The following IL1RAPL1 variants were observed in gnomAD, a reference collection of about 807,000 sequenced individuals.
IL1RAPL1 encodes the protein interleukin 1 receptor accessory protein like 1, also known as interleukin-1 receptor accessory protein-like 1.
Under a neutral mutation model 48.4 loss-of-function variants are expected in IL1RAPL1, and 3 were observed. The observed-to-expected ratio is 0.06, with a 90% CI of 0.03 to 0.16. IL1RAPL1 has a LOEUF of 0.16. Ranked by LOEUF, IL1RAPL1 falls within the 10% of genes least tolerant of loss-of-function variation. The probability of loss-of-function intolerance (pLI) is 1.00; values close to 1 mark genes in which losing one functional copy is unlikely to be tolerated. For missense variants in IL1RAPL1, 349 were observed against 530.6 expected (o/e 0.66, Z 3.36); for synonymous variants, 185 against 187.7 (o/e 0.99, Z 0.12).
At chrX:28,958,492 A>G (rs1009286647) in intron 2 of IL1RAPL1, among the ~76,000 whole-genome samples, 23 of 111,967 alleles carry the variant, frequency 2.1e-4, no homozygotes, top group African/African-American at 7.5e-4. Context: ...GCAAATCCAT[A>G]CTGGGGCAAG....
At position 28,762,786 on chromosome X, in the gene IL1RAPL1, GCACACACA is replaced by G. The variant is rs759005946; in HGVS notation, c.-24-26503_-24-26496del. Among the ~76,000 whole-genome samples the G allele has an allele frequency of 9.7e-3, 608 of 62,945 alleles. 9 individuals are homozygous for G. The highest frequency in any genetic ancestry group is 0.075 in the Admixed American group (386 of 5,113). The allele number at this position is 62,945 out of a possible 115,157, so 54.7% of individuals were successfully genotyped here. A position where few individuals can be genotyped will look rare whatever the true frequency, so the allele number is the denominator to read the frequency against. ...TATAAAATCTAATACGCACGCGCGCGCACACACACACACACACACACACACACACACAC... is the reference window on the plus strand; with the variant it reads ...TATAAAATCTAATACGCACGCGCGCGCACACACACACACACACACACACAC... On this transcript the variant is annotated intron_variant, in intron 1 of 10. Coordinates refer to ENST00000378993, the MANE Select transcript of IL1RAPL1 (RefSeq NM_014271.4).
intron 5 of IL1RAPL1, among the ~76,000 whole-genome samples, chrX:29,614,745 A>G (rs1381172016): frequency 8.9e-6 from 1 of 112,263 alleles, no homozygotes; most frequent in African/African-American, 3.2e-5. Flanking sequence ...ATGCCTATAC[A>G]GTAAAAAAGT....
At chrX:29,909,948 A>C (rs143700962) in intron 6 of IL1RAPL1, among the ~76,000 whole-genome samples, 3 of 111,578 alleles carry the variant, frequency 2.7e-5, no homozygotes, top group African/African-American at 6.5e-5. Flanking sequence ...CCATAAAGAC[A>C]CATGCATGCG....
chrX:29,211,245 T>C (rs1222240866), intron 2 of IL1RAPL1, among the ~76,000 whole-genome samples: 1 of 111,277 alleles, frequency 9.0e-6, no homozygotes, highest in Admixed American at 9.6e-5. Context: ...AAAACAAAAA[T>C]TGAGCAAAAC....
intron 6 of IL1RAPL1, among the ~76,000 whole-genome samples, chrX:29,857,657 A>G (rs1463058794): frequency 8.9e-6 from 1 of 111,999 alleles, no homozygotes; most frequent in Non-Finnish European, 1.9e-5. Flanking sequence ...AGCTGGCCTG[A>G]GAACTAAATT....
intron 5 of IL1RAPL1, among the ~76,000 whole-genome samples, chrX:29,614,555 TTC>T (rs1419278524): frequency 8.9e-6 from 1 of 112,040 alleles, no homozygotes; most frequent in Non-Finnish European, 1.9e-5. Flanking sequence ...TTGAGTAACA[TTC>T]TGTCTTTAGT....
chrX:28,664,373 C>T (rs951020431), intron 1 of IL1RAPL1, among the ~76,000 whole-genome samples: 1 of 111,835 alleles, frequency 8.9e-6, no homozygotes, highest in Non-Finnish European at 1.9e-5. Flanking sequence ...GAAAATATGA[C>T]GAGAGTAAAG....
chrX:28,792,851 A>ATAT (rs1491269024), intron 2 of IL1RAPL1, among the ~76,000 whole-genome samples: 2 of 27,811 alleles, frequency 7.2e-5, no homozygotes, highest in Non-Finnish European at 1.0e-4. Flanking sequence ...ATATATATAT[A>ATAT]AAAAATAAGG....
chrX:29,052,628 A>C (rs1219048133), intron 2 of IL1RAPL1, among the ~76,000 whole-genome samples: 1 of 109,323 alleles, frequency 9.1e-6, no homozygotes. Flanking sequence ...CTGAATTTGA[A>C]TTTTCAGATT....
chrX:29,795,244 T>A (rs1456424823), intron 6 of IL1RAPL1, among the ~76,000 whole-genome samples: 1 of 111,730 alleles, frequency 9.0e-6, no homozygotes, highest in African/African-American at 3.3e-5. Flanking sequence ...TATCACCTAT[T>A]TACCTATCTC....
intron 6 of IL1RAPL1, among the ~76,000 whole-genome samples, chrX:29,914,338 T>A (rs1294541023): frequency 9.0e-6 from 1 of 111,169 alleles, no homozygotes; most frequent in African/African-American, 3.3e-5. Context: ...GAAAGGAGGG[T>A]GATGTGAGAC....
In IL1RAPL1 at chrX:29,126,567, A is replaced by G. The variant is rs1288339381; in HGVS notation, c.83-156371A>G. Among the ~76,000 whole-genome samples, 4 of 112,436 alleles carry G rather than the reference A, an allele frequency of 3.6e-5. No individual in the cohort carries two copies. The East Asian group carries it at 1.1e-3, about 31-fold the overall frequency. ...GGTTGGTTATTTTCTAATGAATGCA[A>G]GTAACACATTGAATGCCCACCTATG... On this transcript the variant is annotated intron_variant, in intron 2 of 10. Transcript: ENST00000378993.
At chrX:29,360,640 G>A (rs969834467) in intron 3 of IL1RAPL1, among the ~76,000 whole-genome samples, 1 of 111,006 alleles carries the variant, frequency 9.0e-6, no homozygotes, top group Non-Finnish European at 1.9e-5. Flanking sequence ...ATTTTGTAAC[G>A]CTGATTCTTC....
chrX:29,819,406 G>C (rs186647129), intron 6 of IL1RAPL1, among the ~76,000 whole-genome samples: 13 of 111,030 alleles, frequency 1.2e-4, no homozygotes, highest in South Asian at 1.1e-3. Flanking sequence ...GTACCATGGT[G>C]GGGGGGAAAT....
chrX:28,926,786 T>C (rs1923754363), intron 2 of IL1RAPL1, among the ~76,000 whole-genome samples: 1 of 111,665 alleles, frequency 9.0e-6, no homozygotes, highest in Non-Finnish European at 1.9e-5. Flanking sequence ...ACAACAGTTA[T>C]GTCTTCTTTT....
At chrX:28,682,058 G>A (rs1325734113) in intron 1 of IL1RAPL1, among the ~76,000 whole-genome samples, 1 of 111,068 alleles carries the variant, frequency 9.0e-6, no homozygotes, top group Non-Finnish European at 1.9e-5. Flanking sequence ...GTGACTTTTC[G>A]TGTCTGGCTT....
chrX:29,009,091 C>T (rs961669430), intron 2 of IL1RAPL1, among the ~76,000 whole-genome samples: 8 of 111,872 alleles, frequency 7.2e-5, no homozygotes, highest in Non-Finnish European at 1.1e-4. Context: ...CAAACTAATG[C>T]AGGAACAAAA....
chrX:29,846,054 G>A (rs1319608334), intron 6 of IL1RAPL1, among the ~76,000 whole-genome samples: 13 of 111,249 alleles, frequency 1.2e-4, no homozygotes, highest in Admixed American at 2.9e-4. Context: ...TACATTTCAC[G>A]TGAGATTTGG....
intron 5 of IL1RAPL1, among the ~76,000 whole-genome samples, chrX:29,661,193 C>A (rs752536265): frequency 3.6e-5 from 4 of 112,405 alleles, no homozygotes; most frequent in African/African-American, 6.5e-5. Context: ...TCACTGAATT[C>A]ATTTATCAAA....
Sources: gnomAD v4.1 joint callset for allele counts (sites outside exome capture counted in the v4.1 genomes callset) on GRCh38, gnomAD v4.1.1 for gene constraint, MANE v1.5 for transcripts, NCBI Gene and HGNC (gene_info 2026-07-23, HGNC 2026-07-21) for gene names.